The following KLB variants were observed in gnomAD, a reference collection of about 807,000 sequenced individuals.
KLB encodes klotho beta.
A neutral mutation model predicts 88.4 loss-of-function variants in KLB; 44 were observed. The observed-to-expected ratio is 0.50, with a 90% CI of 0.39 to 0.64. The LOEUF is 0.64. Ranked by LOEUF, KLB falls within the 30% of genes least tolerant of loss-of-function variation. The probability of loss-of-function intolerance (pLI) is 0.00; values close to 1 mark genes in which losing one functional copy is unlikely to be tolerated. For missense variants in KLB, 1,137 were observed against 1,304.8 expected (o/e 0.87, Z 1.98); for synonymous variants, 548 against 513.4 (o/e 1.07, Z -0.91).
Position 39,407,446 on chromosome 4 carries a change from T to C in KLB, c.497T>C (p.Val166Ala), listed in dbSNP as rs35733674. Residue 166 changes from valine to alanine, a missense_variant, in exon 1 of 5, where the codon GTT becomes GCT. Transcript: ENST00000257408. The part of the protein sequence containing the change: ...PRLFPDGIVT[V>A]ANAKGLQYYS... ...CTTTTCCCCGATGGAATAGTAACAGTTGCCAACGCAAAAGGTCTGCAGTAC... is the reference window on the plus strand; with the variant it reads ...CTTTTCCCCGATGGAATAGTAACAGCTGCCAACGCAAAAGGTCTGCAGTAC... The C allele has an allele frequency of 6.1e-4, 977 of 1,614,212 alleles. 5 individuals are homozygous for C. The African/African-American group carries it at 0.011, about 19-fold the overall frequency.
At chr4:39,410,257 C>T (rs1473224113) in intron 1 of KLB, among the ~76,000 whole-genome samples, 2 of 152,124 alleles carry the variant, frequency 1.3e-5, no homozygotes, top group East Asian at 3.8e-4. Flanking sequence ...ACAGATATTG[C>T]TTCCAAACAT....
intron 1 of KLB, among the ~76,000 whole-genome samples, chr4:39,413,773 T>C (rs1742911031): frequency 6.6e-6 from 1 of 152,018 alleles, no homozygotes. Flanking sequence ...CAAAAAATAC[T>C]GCCAGCTTTC....
chr4:39,421,658 C>T (rs1038237539), intron 1 of KLB, among the ~76,000 whole-genome samples: 14 of 151,962 alleles, frequency 9.2e-5, no homozygotes, highest in Admixed American at 5.2e-4. Context: ...GAGAGACTGA[C>T]GCAGGAGAAT....
At position 39,449,644 on chromosome 4, in the gene KLB, G is replaced by A. The variant is rs1289960551; in HGVS notation, c.*958G>A. On this transcript the variant is annotated 3_prime_UTR_variant, in exon 5 of 5. Coordinates refer to ENST00000257408, the MANE Select transcript of KLB (RefSeq NM_175737.4). ...GATTTTTTAAAATAATGTAATTTCCGGCCAGGCACGGTGGCACCGCCTGTA... is the reference window on the plus strand; with the variant it reads ...GATTTTTTAAAATAATGTAATTTCCAGCCAGGCACGGTGGCACCGCCTGTA... 3 of 151,944 alleles carry A rather than the reference G, an allele frequency of 2.0e-5. No individual in the cohort carries two copies. Among genetic ancestry groups the A allele is most frequent in the African/African-American group, 7.3e-5 (3 of 41,360 alleles). 9.4% of individuals were successfully genotyped at this position (151,944 alleles called of 1,614,324 possible).
At chr4:39,410,951 T>C (rs1340741194) in intron 1 of KLB, among the ~76,000 whole-genome samples, 1 of 152,222 alleles carries the variant, frequency 6.6e-6, no homozygotes, top group Non-Finnish European at 1.5e-5. Context: ...GATTCCACTT[T>C]ATTGCAGATG....
intron 3 of KLB, among the ~76,000 whole-genome samples, chr4:39,440,144 C>T (rs1322485357): frequency 6.7e-6 from 1 of 149,082 alleles, no homozygotes; most frequent in Non-Finnish European, 1.5e-5. Flanking sequence ...TTTCTCTTCT[C>T]TTCTTTTCTT....
chr4:39,417,367 T>C (rs993634294), intron 1 of KLB, among the ~76,000 whole-genome samples: 1 of 152,044 alleles, frequency 6.6e-6, no homozygotes, highest in Non-Finnish European at 1.5e-5. Flanking sequence ...CAGGCTGGAG[T>C]GTAATGGCGT....
Position 39,448,399 on chromosome 4 carries a change from A to C in KLB, c.2848A>C (p.Lys950Gln), listed in dbSNP as rs1251523301. ...PRFGFFTSDF[K>Q]AKSSIQFYNK... The stretch of plus-strand genomic sequence containing the variant: ...ATTTGGATTCTTCACATCTGATTTT[A>C]AAGCTAAATCCTCAATACAATTTTA... The change falls in exon 5 of 5, where the codon AAA (lysine) becomes CAA (glutamine). Residue 950 changes from lysine (K) to glutamine (Q), a missense_variant. Physicochemically the swap from Lys to Gln is moderately conservative, Grantham distance 53. Around this residue, in one of 4 missense-constraint regions of KLB, gnomAD observed 426 missense variants for 404.6 expected, o/e 1.05. Coordinates refer to ENST00000257408, the MANE Select transcript of KLB (RefSeq NM_175737.4). 1.2e-6 allele frequency: 2 copies of C among 1,613,974 alleles called. No individual in the cohort carries two copies. The highest frequency in any genetic ancestry group is 1.3e-5 in the African/African-American group (1 of 74,946).
chr4:39,423,665 C>G (rs928007762), intron 1 of KLB, among the ~76,000 whole-genome samples: 3 of 151,692 alleles, frequency 2.0e-5, no homozygotes, highest in Admixed American at 1.3e-4. Flanking sequence ...AACAAACTAG[C>G]TGATCCATAA....
At chr4:39,440,668 C>T (rs1743578958) in intron 3 of KLB, among the ~76,000 whole-genome samples, 1 of 152,156 alleles carries the variant, frequency 6.6e-6, no homozygotes, top group South Asian at 2.1e-4. Context: ...TGCAATTCTC[C>T]TGTCTCAGCC....
Position 39,437,784 on chromosome 4 carries a change from G to T in KLB, c.1394G>T (p.Gly465Val). The T allele has an allele frequency of 1.2e-6, 2 of 1,614,104 alleles. No individual in the cohort carries two copies. Among genetic ancestry groups the T allele is most frequent in the Non-Finnish European group, 1.7e-6 (2 of 1,179,980 alleles). ...FGYTAWSLLD[G>V]FEWQDAYTIR... is the part of the protein sequence containing the mutation. Reference sequence around the variant, plus strand: ...TATACTGCCTGGTCTCTCCTGGATGGCTTTGAATGGCAGGATGCTTACACC... The same window carrying T: ...TATACTGCCTGGTCTCTCCTGGATGTCTTTGAATGGCAGGATGCTTACACC... The change falls in exon 3 of 5, where the codon GGC (glycine) becomes GTC (valine). Residue 465 changes from glycine to valine, a missense_variant. Transcript: ENST00000257408.
intron 3 of KLB, among the ~76,000 whole-genome samples, chr4:39,443,436 T>A (rs562722053): frequency 2.0e-5 from 3 of 152,024 alleles, no homozygotes; most frequent in Non-Finnish European, 4.4e-5. Flanking sequence ...AACTTTTCCA[T>A]TTTTAATTAA....
At position 39,407,432 on chromosome 4, in the gene KLB, T is replaced by A. The variant is rs775476701; in HGVS notation, c.483T>A (p.Asp161Glu). The A allele has an allele frequency of 5.0e-6, 8 of 1,614,142 alleles. No homozygotes were observed. In the South Asian group the frequency reaches 6.6e-5, roughly 13 times the overall value. ...TTTCCTGGCCAAGGCTTTTCCCCGA[T>A]GGAATAGTAACAGTTGCCAACGCAA... ...FSISWPRLFP[D>E]GIVTVANAKG... The change falls in exon 1 of 5, where the codon GAT becomes GAA. Residue 161 changes from aspartate to glutamate, a missense_variant. Coordinates refer to ENST00000257408, the MANE Select transcript of KLB (RefSeq NM_175737.4).
Position 39,407,547 on chromosome 4 carries a change from T to C in KLB, c.598T>C (p.Leu200=), listed in dbSNP as rs1226132233. The change falls in exon 1 of 5, where the codon TTG becomes CTG. Residue 200 remains leucine (L), a synonymous_variant. Coordinates refer to ENST00000257408, the MANE Select transcript of KLB (RefSeq NM_175737.4). ...IVTLYHWDLP[L]ALQEKYGGWK... ...TACTTTATACCACTGGGATTTGCCTTTGGCACTACAAGAAAAATATGGGGG... is the reference window on the plus strand; with the variant it reads ...TACTTTATACCACTGGGATTTGCCTCTGGCACTACAAGAAAAATATGGGGG... 2 of 1,614,018 alleles carry C rather than the reference T, an allele frequency of 1.2e-6. No individual in the cohort carries two copies. The highest frequency in any genetic ancestry group is 1.7e-5 in the Admixed American group (1 of 59,998).
At position 39,447,358 on chromosome 4, in the gene KLB, AG is replaced by A; in HGVS notation, c.2634del (p.Asn879ThrfsTer29). 1.9e-6 allele frequency: 3 copies of A among 1,613,978 alleles called. No homozygotes were observed. Among genetic ancestry groups the A allele is most frequent in the Non-Finnish European group, 2.5e-6 (3 of 1,180,030 alleles). ...GVRKLLRWVRRNYGDMDIYIT... is the reference protein window; with the variant it reads ...GVRKLLRWVRXNYGDMDIYIT... ...GCGCAAGCTGCTGCGGTGGGTCCGG[AG>A]GAACTACGGCGACATGGACATTTAC... On this transcript the variant is annotated frameshift_variant, in exon 4 of 5. Transcript: ENST00000257408. LOFTEE classifies it high-confidence loss of function.
chr4:39,415,160 G>A (rs1400926151), intron 1 of KLB, among the ~76,000 whole-genome samples: 1 of 152,004 alleles, frequency 6.6e-6, no homozygotes, highest in African/African-American at 2.4e-5. Flanking sequence ...TGATAGACCC[G>A]CCTCGGCCTC....
In KLB at chr4:39,441,112, T is replaced by G. The variant is rs542467068; in HGVS notation, c.1605+3117T>G. Among the ~76,000 whole-genome samples, 70 of 152,298 alleles carry G rather than the reference T, an allele frequency of 4.6e-4. 1 individual carries two copies. The South Asian group carries it at 0.014, about 31-fold the overall frequency. On this transcript the variant is annotated intron_variant, in intron 3 of 4. Transcript: ENST00000257408. ...CTCAAGCAATCTGTCTGCCTTAGAC[T>G]CCCAAAGTGCTGGGATTACAGGTGT...
intron 1 of KLB, among the ~76,000 whole-genome samples, chr4:39,428,197 C>T (rs914773125): frequency 6.6e-6 from 1 of 152,128 alleles, no homozygotes; most frequent in Non-Finnish European, 1.5e-5. Context: ...GAGGCCAAGG[C>T]AGGCGGATCA....
chr4:39,417,187 A>C (rs1263722655), intron 1 of KLB, among the ~76,000 whole-genome samples: 1 of 152,186 alleles, frequency 6.6e-6, no homozygotes, highest in Non-Finnish European at 1.5e-5. Flanking sequence ...TATAGCTAAA[A>C]AATTAGCCAA....
Sources: allele counts gnomAD v4.1 joint callset (sites outside exome capture counted in the v4.1 genomes callset), GRCh38; gene constraint gnomAD v4.1.1; regional missense constraint gnomAD v4.1.1; transcripts MANE v1.5; gene names NCBI Gene and HGNC (gene_info 2026-07-23, HGNC 2026-07-21).